The following ZNF532 variants were observed in gnomAD, a reference collection of about 807,000 sequenced individuals.
ZNF532 encodes zinc finger protein 532.
A neutral mutation model predicts 89.3 loss-of-function variants in ZNF532; 22 were observed. The observed-to-expected ratio is 0.25, with a 90% confidence interval of 0.18 to 0.35. The LOEUF is 0.35. Among genes scored for constraint, ZNF532 ranks in the 10% least tolerant of loss-of-function variants. ZNF532 has a pLI of 1.00. For synonymous variants in ZNF532, 606 were observed against 649.6 expected (o/e 0.93, Z 1.02); for missense variants, 1,132 against 1,643.4 (o/e 0.69, Z 5.38).
chr18:58,930,499 G>C (rs549465855), intron 3 of ZNF532, among the ~76,000 whole-genome samples: 1 of 151,996 alleles, frequency 6.6e-6, no homozygotes. Flanking sequence ...ATGGCGGTGC[G>C]TGCCTGCAGT....
At chr18:58,871,080 C>G (rs1602473249) in intron 2 of ZNF532, among the ~76,000 whole-genome samples, 1 of 152,072 alleles carries the variant, frequency 6.6e-6, no homozygotes, top group South Asian at 2.1e-4. Flanking sequence ...GTAGTAAAAA[C>G]CATAAACGAA....
At chr18:58,967,691 A>G (rs2066067086) in intron 7 of ZNF532, among the ~76,000 whole-genome samples, 1 of 152,184 alleles carries the variant, frequency 6.6e-6, no homozygotes, top group Admixed American at 6.5e-5. Flanking sequence ...GAATTAATCG[A>G]AACGCACGGC....
chr18:58,896,743 A>G (rs1267103587), intron 2 of ZNF532: 1 of 152,208 alleles, frequency 6.6e-6, no homozygotes, highest in Non-Finnish European at 1.5e-5. Context: ...GTAAAACAAC[A>G]CCACCACATG....
intron 4 of ZNF532, among the ~76,000 whole-genome samples, chr18:58,937,739 G>T (rs1194352139): frequency 6.6e-6 from 1 of 152,162 alleles, no homozygotes; most frequent in Non-Finnish European, 1.5e-5. Flanking sequence ...AGGCTTCTAG[G>T]TTTGGGAAGA....
Position 58,919,515 on chromosome 18 carries a change from C to G in ZNF532, c.1228C>G (p.Pro410Ala), listed in dbSNP as rs2060870011. Residue 410 changes from proline (P) to alanine (A), a missense_variant, in exon 3 of 10, where the codon CCA becomes GCA. Coordinates refer to ENST00000591808, the MANE Select transcript of ZNF532 (RefSeq NM_001375912.1). This position sits in a 1 kb window ranked among gnomAD's most constrained non-coding sequence, Gnocchi z 6.1. Reference sequence around the variant, plus strand: ...CTCTGTGACATCCCTTCTGTCGTCTCCAGCATCAGCCGCCGTCCTTTCCTC... The same window carrying G: ...CTCTGTGACATCCCTTCTGTCGTCTGCAGCATCAGCCGCCGTCCTTTCCTC... ...MASVTSLLSS[P>A]ASAAVLSSPP... The G allele has an allele frequency of 6.2e-7, 1 of 1,614,082 alleles. No individual in the cohort carries two copies.
intron 2 of ZNF532, among the ~76,000 whole-genome samples, chr18:58,880,771 C>CGTGTGTGTGTGTGTGTGTGTGGGT (rs1555704786): frequency 6.9e-6 from 1 of 145,258 alleles, no homozygotes; most frequent in African/African-American, 2.5e-5. Context: ...CACGCGCGCG[C>CGTGTGTGTGTGTGTGTGTGTGGGT]GTCTGTGTGT....
intron 3 of ZNF532, among the ~76,000 whole-genome samples, chr18:58,923,006 G>T (rs989063257): frequency 2.0e-5 from 3 of 152,122 alleles, no homozygotes; most frequent in African/African-American, 7.2e-5. Context: ...TTTGTGTGTG[G>T]TTGCTTTGGC....
intron 6 of ZNF532, 134 bp downstream of exon 6, chr18:58,948,363 T>C (rs781168769): frequency 4.2e-5 from 35 of 832,308 alleles, no homozygotes; most frequent in Non-Finnish European, 5.5e-5. Flanking sequence ...TCGTTGTCAG[T>C]GAGCAACTTA....
At chr18:58,939,859 C>T in intron 5 of ZNF532, 1 of 329,466 alleles carries the variant, frequency 3.0e-6, no homozygotes, top group Non-Finnish European at 5.5e-6. Flanking sequence ...AATTTTTGCT[C>T]AACAAGTAAA....
upstream of ZNF532, chr18:58,863,340 C>T (rs1194867712): frequency 6.6e-6 from 1 of 150,506 alleles, no homozygotes; most frequent in African/African-American, 2.4e-5. Flanking sequence ...CGCGGGGCGC[C>T]TTCTCGCCGC....
chr18:58,970,219 G>A (rs1459709357), intron 7 of ZNF532, among the ~76,000 whole-genome samples: 5 of 152,018 alleles, frequency 3.3e-5, no homozygotes, highest in South Asian at 2.1e-4. Flanking sequence ...GCTATTATAC[G>A]GGGAAAAAAA....
intron 6 of ZNF532, among the ~76,000 whole-genome samples, chr18:58,949,734 A>C (rs1419159236): frequency 6.6e-6 from 1 of 152,234 alleles, no homozygotes; most frequent in Non-Finnish European, 1.5e-5. Context: ...AAAGTCCCTG[A>C]ATTATTCTAG....
At position 58,984,130 on chromosome 18, in the gene ZNF532, C is replaced by T. The variant is rs148780291; in HGVS notation, c.3570C>T (p.His1190=). Residue 1190 remains histidine, a synonymous_variant, in exon 10 of 10, where the codon CAC becomes CAT. Coordinates refer to ENST00000591808, the MANE Select transcript of ZNF532 (RefSeq NM_001375912.1). ...CCACCGAAAACCTGCTGCAATTCCA[C>T]GAACACATCCCTCAGCACAAATCGG... is the stretch of plus-strand genomic sequence containing the variant. ...GFTTENLLQF[H]EHIPQHKSDG... 102 of 1,611,906 alleles carry T rather than the reference C, an allele frequency of 6.3e-5. No individual in the cohort carries two copies. Among genetic ancestry groups the T allele is most frequent in the African/African-American group, 3.5e-4 (26 of 74,938 alleles).
Position 58,939,649 on chromosome 18 carries a change from C to T in ZNF532, c.2705+28C>T, listed in dbSNP as rs202048312. 25 of 1,596,230 alleles carry T rather than the reference C, an allele frequency of 1.6e-5. No homozygotes were observed. The African/African-American group carries it at 3.0e-4, about 19-fold the overall frequency. On this transcript the variant is annotated intron_variant, in intron 5 of 9. Coordinates refer to ENST00000591808, the MANE Select transcript of ZNF532 (RefSeq NM_001375912.1). ...AAGTCATACCGACTTTCAAGTTTTA[C>T]TCCACTGCTTTATTAGCAATTTAGA...
At chr18:58,873,817 A>G (rs755478155) in intron 2 of ZNF532, among the ~76,000 whole-genome samples, 1 of 152,168 alleles carries the variant, frequency 6.6e-6, no homozygotes, top group African/African-American at 2.4e-5. Flanking sequence ...CTGAGTGATA[A>G]AGGCCACGGA....
intron 2 of ZNF532, among the ~76,000 whole-genome samples, chr18:58,917,943 G>A (rs2060722504): frequency 6.6e-6 from 1 of 152,154 alleles, no homozygotes; most frequent in African/African-American, 2.4e-5. Flanking sequence ...TTTTATGAAA[G>A]GGACACATTT....
At chr18:58,981,026 A>C (rs902786994) in intron 8 of ZNF532, 1 of 163,882 alleles carries the variant, frequency 6.1e-6, no homozygotes, top group Non-Finnish European at 1.3e-5. Context: ...TGATCTGCTT[A>C]TCATCTACTG....
At position 58,939,482 on chromosome 18, in the gene ZNF532, G is replaced by A; in HGVS notation, c.2566G>A (p.Ala856Thr). 4 of 1,613,948 alleles carry A rather than the reference G, an allele frequency of 2.5e-6. No homozygotes were observed. The highest frequency in any genetic ancestry group is 3.4e-6 in the Non-Finnish European group (4 of 1,179,982). Residue 856 changes from alanine (A) to threonine (T), a missense_variant, in exon 5 of 10, where the codon GCT becomes ACT. By Grantham distance (58) the Ala-to-Thr change is moderately conservative. Coordinates refer to ENST00000591808, the MANE Select transcript of ZNF532 (RefSeq NM_001375912.1). Reference sequence around the variant, plus strand: ...CAATGTTGTGTACTCTGATGTGGCTGCTCTGAAGTCTCACATTCAAGGTTC... The same window carrying A: ...CAATGTTGTGTACTCTGATGTGGCTACTCTGAAGTCTCACATTCAAGGTTC... The part of the protein sequence containing the change: ...HCNVVYSDVA[A>T]LKSHIQGSHC...
At chr18:58,928,732 C>T (rs2061721663) in intron 3 of ZNF532, among the ~76,000 whole-genome samples, 1 of 152,142 alleles carries the variant, frequency 6.6e-6, no homozygotes, top group Non-Finnish European at 1.5e-5. Flanking sequence ...ACTCTTTAGC[C>T]ATTAAATCTG....
Sources: allele counts gnomAD v4.1 joint callset (sites outside exome capture counted in the v4.1 genomes callset), GRCh38; gene constraint gnomAD v4.1.1; non-coding constraint Gnocchi (gnomAD v3.1); transcripts MANE v1.5; gene names NCBI Gene and HGNC (gene_info 2026-07-23, HGNC 2026-07-21).